Variants in MAP4K1 observed in about 807,000 individuals in gnomAD.
MAP4K1 encodes MAPK/ERK kinase kinase kinase 1.
MAP4K1 carries 35 observed loss-of-function variants against 122.8 expected under a neutral mutation model. The ratio of observed to expected loss-of-function variants is 0.29; its 90% CI spans 0.22 to 0.38. MAP4K1 has a LOEUF of 0.38. Ranked by LOEUF, MAP4K1 falls within the 10% of genes least tolerant of loss-of-function variation. MAP4K1 has a pLI of 1.00. For missense variants in MAP4K1, 791 were observed against 1,072.6 expected, an observed-to-expected ratio of 0.74 and a Z score of 3.67; for synonymous variants, 412 against 421.3, an observed-to-expected ratio of 0.98 and a Z score of 0.27.
chr19:38,601,255 T>TA (rs1464799900), intron 20 of MAP4K1, among the ~76,000 whole-genome samples, 186 bp downstream of exon 20: 1 of 152,148 alleles, frequency 6.6e-6, no homozygotes, highest in East Asian at 1.9e-4. Flanking sequence ...GGCTGCCCTC[T>TA]ATGCATCTTT....
intron 13 of MAP4K1, among the ~76,000 whole-genome samples, chr19:38,608,825 A>AAAAAAAAAAAAAAAC (rs1975411117): frequency 6.7e-6 from 1 of 148,676 alleles, no homozygotes; most frequent in African/African-American, 2.5e-5. Context: ...AAAAAAAAAA[A>AAAAAAAAAAAAAAAC]AAAACATTAG....
intron 19 of MAP4K1, among the ~76,000 whole-genome samples, 160 bp downstream of exon 19, chr19:38,605,249 G>C (rs2144726379): frequency 6.6e-6 from 1 of 152,168 alleles, no homozygotes; most frequent in East Asian, 1.9e-4. Flanking sequence ...ACTCTGTGAA[G>C]CTTTATGCCA....
chr19:38,611,479 T>TG (rs1477206933), intron 9 of MAP4K1, among the ~76,000 whole-genome samples, 174 bp from the exon 10 acceptor site: 3 of 152,172 alleles, frequency 2.0e-5, no homozygotes, highest in Non-Finnish European at 4.4e-5. Flanking sequence ...AAGCCATTTA[T>TG]GAAGTGATAG....
In MAP4K1 at chr19:38,602,431, C is replaced by CAT. The variant is rs113779019; in HGVS notation, c.1447-908_1447-907dup. On this transcript the variant is annotated intron_variant, in intron 19 of 30. Coordinates refer to ENST00000396857, the MANE Select transcript of MAP4K1 (RefSeq NM_001042600.3). ...ATATAGACACACACACACACACACA[C>CAT]ATATATATACACACACACATACATA... is the stretch of plus-strand genomic sequence containing the variant. Among the ~76,000 whole-genome samples the CAT allele has an allele frequency of 7.0e-5, 10 of 143,000 alleles. 1 individual carries two copies. The highest frequency in any genetic ancestry group is 6.3e-4 in the Admixed American group (9 of 14,272). 93.8% of individuals were successfully genotyped at this position (143,000 alleles called of 152,430 possible).
chr19:38,587,909 C>T (rs1974572868), intron 30 of MAP4K1, 92 bp from the exon 31 acceptor site: 2 of 991,264 alleles, frequency 2.0e-6, no homozygotes, highest in African/African-American at 1.6e-5. Context: ...ACTGTGCCAG[C>T]CCCATGCTGA....
chr19:38,587,780 T>C lies in MAP4K1; in HGVS notation c.2434A>G (p.Thr812Ala). 2 of 1,614,038 alleles carry C rather than the reference T, an allele frequency of 1.2e-6. No homozygotes were observed. Among genetic ancestry groups the C allele is most frequent in the Non-Finnish European group, 1.7e-6 (2 of 1,179,972 alleles). ...VVETRPVDDP[T>A]APSNLYIQE ...TGGATGTAGAGGTTGCTGGGAGCAG[T>C]AGGATCATCCACTGGGCGTGTCTCC... Residue 812 changes from threonine (T) to alanine (A), a missense_variant, in exon 31 of 31, where the codon ACT becomes GCT. By Grantham distance (58) the Thr-to-Ala change is moderately conservative. Coordinates refer to ENST00000396857, the MANE Select transcript of MAP4K1 (RefSeq NM_001042600.3).
chr19:38,592,587 TAAA>T (rs1568620740), intron 30 of MAP4K1: 1 of 143,038 alleles, frequency 7.0e-6, no homozygotes, highest in East Asian at 2.1e-4. Flanking sequence ...AAATAAATTT[TAAA>T]AAAATTTTAT....
chr19:38,609,416 T>C (rs1234427372), intron 13 of MAP4K1, among the ~76,000 whole-genome samples, 180 bp downstream of exon 13: 1 of 152,144 alleles, frequency 6.6e-6, no homozygotes, highest in Non-Finnish European at 1.5e-5. Context: ...ATTACAGGCA[T>C]GAGTCACCAC....
chr19:38,609,341 C>T (rs1975426374), intron 13 of MAP4K1, among the ~76,000 whole-genome samples: 1 of 152,064 alleles, frequency 6.6e-6, no homozygotes, highest in Non-Finnish European at 1.5e-5. Context: ...CACCATGTTA[C>T]CCAGGCTCGT....
chr19:38,597,568 T>C lies in MAP4K1; in HGVS notation c.1696A>G (p.Ser566Gly), dbSNP rs748019993. The C allele has an allele frequency of 6.2e-7, 1 of 1,613,332 alleles. No homozygotes were observed. Reference sequence around the variant, plus strand: ...TTCCGTTCCAGCAGGCCAAGGATGCTATGAGAATACAGGTGGGGGGTCTTT... The same window carrying C: ...TTCCGTTCCAGCAGGCCAAGGATGCCATGAGAATACAGGTGGGGGGTCTTT... ...SGKTPHLYSH[S>G]ILGLLERKET... Residue 566 changes from serine to glycine, a missense_variant, in exon 23 of 31, where the codon AGC (serine) becomes GGC (glycine). Around this residue, in one of 4 missense-constraint regions of MAP4K1, gnomAD observed 58 missense variants for 118.7 expected, o/e 0.49. Transcript: ENST00000396857. This position sits in a 1 kb window ranked among gnomAD's most constrained non-coding sequence, Gnocchi z 4.6.
chr19:38,588,484 A>T (rs1974596145), intron 30 of MAP4K1, among the ~76,000 whole-genome samples: 1 of 152,036 alleles, frequency 6.6e-6, no homozygotes, highest in South Asian at 2.1e-4. Context: ...TGAGGTCAGG[A>T]GTTCAAGACC....
intron 29 of MAP4K1, among the ~76,000 whole-genome samples, chr19:38,594,426 G>A (rs1418739871): frequency 1.3e-5 from 2 of 152,074 alleles, no homozygotes; most frequent in Non-Finnish European, 2.9e-5. Context: ...GATCACTTGA[G>A]GTCAGGAGTT....
chr19:38,600,668 C>T (rs926297069), intron 20 of MAP4K1, among the ~76,000 whole-genome samples: 2 of 152,072 alleles, frequency 1.3e-5, no homozygotes, highest in Non-Finnish European at 2.9e-5. Flanking sequence ...TGCTCCCAGT[C>T]TCCCTATCAT....
At chr19:38,616,157 AG>A (rs3217236) in intron 4 of MAP4K1, 37 bp downstream of exon 4, 131,568 of 1,544,376 alleles carry the variant, frequency 0.085, 6,637 homozygotes, top group African/African-American at 0.2. Context: ...GGGTGGGGAT[AG>A]GGAGGGGTGC....
At chr19:38,611,180 C>T in intron 10 of MAP4K1, 48 bp from the exon 11 acceptor site, 1 of 1,598,180 alleles carries the variant, frequency 6.3e-7, no homozygotes, top group Non-Finnish European at 8.6e-7. Flanking sequence ...AGAAACCCTC[C>T]CATCAGGCCA....
chr19:38,601,365 T>G (rs1197773772), intron 20 of MAP4K1, 76 bp downstream of exon 20: 13 of 1,361,270 alleles, frequency 9.5e-6, no homozygotes, highest in Non-Finnish European at 1.2e-5. Context: ...CTTTGTGCCT[T>G]CCTTAGGCTT....
At chr19:38,611,553 C>T (rs562551199) in intron 9 of MAP4K1, among the ~76,000 whole-genome samples, 4 of 151,978 alleles carry the variant, frequency 2.6e-5, no homozygotes, top group Admixed American at 6.6e-5. Context: ...GAGGCCAAGG[C>T]GGGAGGATAG....
In MAP4K1 at chr19:38,617,324, G is replaced by C. The variant is rs1975676549; in HGVS notation, c.248+30C>G. On this transcript the variant is annotated intron_variant, in intron 3 of 30. Transcript: ENST00000396857. The surrounding 1 kb of genome is among the most constrained non-coding windows in gnomAD (Gnocchi z 4.1). ...GGGACTCCGGGTTAGGGGCTGGGCTGGGTGCCAGGGTGGGTCTGAGGTTCA... is the reference window on the plus strand; with the variant it reads ...GGGACTCCGGGTTAGGGGCTGGGCTCGGTGCCAGGGTGGGTCTGAGGTTCA... The C allele has an allele frequency of 1.3e-6, 2 of 1,514,028 alleles. No individual in the cohort carries two copies. The highest frequency in any genetic ancestry group is 2.7e-5 in the African/African-American group (2 of 72,942). The allele number at this position is 1,514,028 out of a possible 1,614,324, so 93.8% of individuals were successfully genotyped here.
intron 16 of MAP4K1, 107 bp downstream of exon 16, chr19:38,607,757 G>T: frequency 8.2e-7 from 1 of 1,225,698 alleles, no homozygotes; most frequent in Non-Finnish European, 1.2e-6. Flanking sequence ...TAGAAGAAAG[G>T]CAGGGGTGCA....
Sources: gnomAD v4.1 joint callset for allele counts (sites outside exome capture counted in the v4.1 genomes callset) on GRCh38, gnomAD v4.1.1 for gene constraint, gnomAD v4.1.1 regional missense constraint, Gnocchi (gnomAD v3.1) non-coding constraint, MANE v1.5 for transcripts, NCBI Gene and HGNC (gene_info 2026-07-23, HGNC 2026-07-21) for gene names.